Variants in NXN observed in about 807,000 individuals in gnomAD.
NXN encodes the protein nucleoredoxin 1.
In NXN, 16 loss-of-function variants were observed where a neutral mutation model predicts 48.6. The observed-to-expected ratio is 0.33, with a 90% CI of 0.22 to 0.50. NXN has a LOEUF of 0.50. Ranked by LOEUF, NXN falls within the 20% of genes least tolerant of loss-of-function variation. The probability of loss-of-function intolerance (pLI) is 0.98; values close to 1 mark genes in which losing one functional copy is unlikely to be tolerated. For synonymous variants in NXN, 281 were observed against 269.6 expected, an observed-to-expected ratio of 1.04 and a Z score of -0.41; for missense variants, 492 against 605.5, an observed-to-expected ratio of 0.81 and a Z score of 1.97.
In NXN at chr17:932,805, G is replaced by A. The variant is rs1472520725; in HGVS notation, c.360+46514C>T. ...ATAAGTCATCTGCGCCCGCCACCACGCCAGGCTAATTTTTATATTTTTAGT... is the reference window on the plus strand; with the variant it reads ...ATAAGTCATCTGCGCCCGCCACCACACCAGGCTAATTTTTATATTTTTAGT... On this transcript the variant is annotated intron_variant, in intron 1 of 7. Coordinates refer to ENST00000336868, the MANE Select transcript of NXN (RefSeq NM_022463.5). This position sits in a 1 kb window ranked among gnomAD's most constrained non-coding sequence, Gnocchi z 4.1. Among the ~76,000 whole-genome samples the A allele has an allele frequency of 6.6e-6, 1 of 152,164 alleles. No individual in the cohort carries two copies.
At chr17:963,207 TGG>T (rs1491531653) in intron 1 of NXN, among the ~76,000 whole-genome samples, 3,560 of 126,652 alleles carry the variant, frequency 0.028, 205 homozygotes, top group East Asian at 0.24. Context: ...GTATAGGTAC[TGG>T]GACGGACACA....
At chr17:947,012 G>A (rs942173061) in intron 1 of NXN, among the ~76,000 whole-genome samples, 16 of 152,158 alleles carry the variant, frequency 1.1e-4, no homozygotes, top group African/African-American at 3.4e-4. Flanking sequence ...CCCACGGTGC[G>A]TCCTCCAGGG....
chr17:854,964 A>T (rs146895333), intron 1 of NXN, among the ~76,000 whole-genome samples: 6,514 of 152,172 alleles, frequency 0.043, 149 homozygotes, highest in African/African-American at 0.059. Context: ...GTCTCAAAAA[A>T]AAAAAAGACT....
intron 1 of NXN, among the ~76,000 whole-genome samples, chr17:904,679 G>A (rs887170283): frequency 6.6e-6 from 1 of 152,140 alleles, no homozygotes; most frequent in African/African-American, 2.4e-5. Context: ...GAGTAGCTGG[G>A]ATTACAGGCG....
chr17:935,656 G>A (rs2068900374), intron 1 of NXN, among the ~76,000 whole-genome samples: 2 of 152,140 alleles, frequency 1.3e-5, no homozygotes, highest in Non-Finnish European at 2.9e-5. Flanking sequence ...AACACGCCCA[G>A]GAATCACAGA....
intron 1 of NXN, among the ~76,000 whole-genome samples, chr17:885,052 C>G (rs563051820): frequency 6.6e-6 from 1 of 152,180 alleles, no homozygotes; most frequent in Non-Finnish European, 1.5e-5. Flanking sequence ...CCAAGCGGAG[C>G]TGAGTCAGGC....
intron 1 of NXN, among the ~76,000 whole-genome samples, chr17:862,658 A>G (rs2068052776): frequency 1.3e-5 from 2 of 152,226 alleles, no homozygotes; most frequent in African/African-American, 4.8e-5. Flanking sequence ...CGTTAGTTAC[A>G]AAGGAGAAAC....
intron 1 of NXN, among the ~76,000 whole-genome samples, chr17:851,545 C>G (rs748850316): frequency 6.6e-6 from 1 of 152,238 alleles, no homozygotes; most frequent in Non-Finnish European, 1.5e-5. Context: ...TTCCGCTGCA[C>G]ACTGGGAGAA....
In NXN at chr17:842,507, G is replaced by A. The variant is rs929434334; in HGVS notation, c.361-16429C>T. 3.4e-4 allele frequency: 333 copies of A among 985,366 alleles called. 1 individual carries two copies. The highest frequency in any genetic ancestry group is 3.9e-4 in the Non-Finnish European group (327 of 829,878). The allele number at this position is 985,366 out of a possible 1,614,324, so 61.0% of individuals were successfully genotyped here. A position where few individuals can be genotyped will look rare whatever the true frequency, so the allele number is the denominator to read the frequency against. ...GGATGAAGGATGAACACGGGGCCGC[G>A]TCTCACATGCAACCCACCTTCGAAG... On this transcript the variant is annotated intron_variant, in intron 1 of 7. Coordinates refer to ENST00000336868, the MANE Select transcript of NXN (RefSeq NM_022463.5).
Position 919,266 on chromosome 17 carries a change from A to T in NXN, c.360+60053T>A, listed in dbSNP as rs892600293. On this transcript the variant is annotated intron_variant, in intron 1 of 7. Transcript: ENST00000336868. The surrounding 1 kb of genome is among the most constrained non-coding windows in gnomAD (Gnocchi z 5.1). Reference sequence around the variant, plus strand: ...TAGTCCCAGTTCCTTGGGAGGCTGAAGCAGGAGAATAGCTTGAACTAGGGA... The same window carrying T: ...TAGTCCCAGTTCCTTGGGAGGCTGATGCAGGAGAATAGCTTGAACTAGGGA... 6.6e-6 allele frequency among the ~76,000 whole-genome samples: 1 copy of T among 151,492 alleles called. No homozygotes were observed. The highest frequency in any genetic ancestry group is 2.1e-4 in the South Asian group (1 of 4,790).
intron 1 of NXN, among the ~76,000 whole-genome samples, chr17:970,535 G>A (rs1031077906): frequency 3.9e-5 from 6 of 152,058 alleles, no homozygotes; most frequent in Non-Finnish European, 5.9e-5. Flanking sequence ...ACCAGCGAAT[G>A]TTTCAAGCCG....
rs2068739709 is a variant in NXN, at chr17:920,629, C to T, written c.360+58690G>A. ...GTCTCATCAACTGTACCCTCACTGG[C>T]AGCACCCAGGACGTTCTCAATGAGG... On this transcript the variant is annotated intron_variant, in intron 1 of 7. Transcript: ENST00000336868. This position sits in a 1 kb window ranked among gnomAD's most constrained non-coding sequence, Gnocchi z 4.6. Among the ~76,000 whole-genome samples the T allele has an allele frequency of 2.0e-5, 3 of 152,132 alleles. No individual in the cohort carries two copies. In the South Asian group the frequency reaches 6.2e-4, roughly 32 times the overall value.
Position 949,734 on chromosome 17 carries a change from G to A in NXN, c.360+29585C>T, listed in dbSNP as rs186801669. Among the ~76,000 whole-genome samples, 361 of 144,590 alleles carry A rather than the reference G, an allele frequency of 2.5e-3. 4 individuals carry two copies. Among genetic ancestry groups the A allele is most frequent in the Non-Finnish European group, 3.9e-3 (255 of 65,648 alleles). The allele number at this position is 144,590 out of a possible 152,430, so 94.9% of individuals were successfully genotyped here. On this transcript the variant is annotated intron_variant, in intron 1 of 7. Coordinates refer to ENST00000336868, the MANE Select transcript of NXN (RefSeq NM_022463.5). ...CTCCCTGCTGCCTCCTCCTCTCCCC[G>A]CGGGCCTCCTCTGTTAGGACCCACC...
chr17:877,155 G>T (rs1244833688), intron 1 of NXN, among the ~76,000 whole-genome samples: 1 of 149,918 alleles, frequency 6.7e-6, no homozygotes, highest in Non-Finnish European at 1.5e-5. Flanking sequence ...CGACGGTGTT[G>T]TTTTTTTTTG....
rs539945908 is a variant in NXN at position 890,982 on chromosome 17, T to C, written c.361-64904A>G. The stretch of plus-strand genomic sequence containing the variant: ...TTTGCAAAGTGCTGACTTGGAACAT[T>C]TGTATTTTTCCCTTACAAATCAATC... On this transcript the variant is annotated intron_variant, in intron 1 of 7. Coordinates refer to ENST00000336868, the MANE Select transcript of NXN (RefSeq NM_022463.5). 2.0e-5 allele frequency among the ~76,000 whole-genome samples: 3 copies of C among 152,156 alleles called. No individual in the cohort carries two copies. In the South Asian group the frequency reaches 6.2e-4, roughly 32 times the overall value.
chr17:885,228 C>T (rs1368375443), intron 1 of NXN, among the ~76,000 whole-genome samples: 3 of 152,148 alleles, frequency 2.0e-5, no homozygotes, highest in African/African-American at 7.2e-5. Context: ...TTTTGGGAGG[C>T]CGAGACGGGC....
chr17:900,552 C>A (rs2068528002), intron 1 of NXN, among the ~76,000 whole-genome samples: 1 of 152,146 alleles, frequency 6.6e-6, no homozygotes, highest in Non-Finnish European at 1.5e-5. Flanking sequence ...GCATCAGGAT[C>A]CTCCCAGGGT....
chr17:826,993 G>A (rs1913140449), intron 1 of NXN, among the ~76,000 whole-genome samples: 2 of 152,182 alleles, frequency 1.3e-5, no homozygotes, highest in South Asian at 4.1e-4. Flanking sequence ...CCGTCGGGGT[G>A]AACGCCATAT....
intron 1 of NXN, among the ~76,000 whole-genome samples, chr17:954,995 C>T (rs1302740867): frequency 2.6e-5 from 4 of 152,172 alleles, no homozygotes; most frequent in East Asian, 1.9e-4. Context: ...AGGTCTGCCC[C>T]GCGTCCCGGG....
Sources: gnomAD v4.1 joint callset for allele counts (sites outside exome capture counted in the v4.1 genomes callset) on GRCh38, gnomAD v4.1.1 for gene constraint, Gnocchi (gnomAD v3.1) non-coding constraint, MANE v1.5 for transcripts, NCBI Gene and HGNC (gene_info 2026-07-23, HGNC 2026-07-21) for gene names.